DISP1: variants seen among roughly 807,000 people sequenced by gnomAD.
DISP1 encodes protein dispatched homolog 1.
Under a neutral mutation model 37.3 loss-of-function variants are expected in DISP1, and 30 were observed. The ratio of observed to expected loss-of-function variants is 0.80; its 90% CI spans 0.60 to 1.09. The LOEUF (loss-of-function observed/expected upper bound fraction) is 1.09, where lower values mean the gene tolerates loss of function less well. Ranked by LOEUF, DISP1 falls within the 50% of genes least tolerant of loss-of-function variation. The pLI, the probability that DISP1 is intolerant of heterozygous loss-of-function variation, is 0.00. For missense variants in DISP1, 1,598 were observed against 1,879.5 expected (o/e 0.85, Z 2.77); for synonymous variants, 634 against 690.2 (o/e 0.92, Z 1.28).
intron 1 of DISP1, among the ~76,000 whole-genome samples, chr1:222,912,379 T>C: frequency 6.6e-6 from 1 of 152,216 alleles, no homozygotes; most frequent in East Asian, 1.9e-4. Context: ...TCTTCTGACT[T>C]ACCTGTTTCC....
At chr1:222,838,176 C>A (rs893275011) in intron 1 of DISP1, among the ~76,000 whole-genome samples, 2 of 151,906 alleles carry the variant, frequency 1.3e-5, no homozygotes, top group African/African-American at 4.8e-5. Context: ...ATATAATTAT[C>A]ACTATTTTTG....
At chr1:222,843,494 A>G (rs1419860399) in intron 1 of DISP1, among the ~76,000 whole-genome samples, 2 of 151,588 alleles carry the variant, frequency 1.3e-5, no homozygotes, top group African/African-American at 4.8e-5. Context: ...TGAGTGATCT[A>G]TATCCTAATT....
At chr1:222,874,492 A>T (rs1446062242) in intron 1 of DISP1, among the ~76,000 whole-genome samples, 1 of 151,600 alleles carries the variant, frequency 6.6e-6, no homozygotes, top group African/African-American at 2.4e-5. Flanking sequence ...TTCTCTTCAC[A>T]CTTCGTTTCA....
chr1:222,903,820 A>AGG (rs1039880131), intron 1 of DISP1, among the ~76,000 whole-genome samples: 1 of 152,240 alleles, frequency 6.6e-6, no homozygotes, highest in Non-Finnish European at 1.5e-5. Flanking sequence ...AGCCATTCCC[A>AGG]GGTTCTGAGG....
At chr1:222,964,386 G>T (rs919349090) in intron 3 of DISP1, among the ~76,000 whole-genome samples, 1 of 151,790 alleles carries the variant, frequency 6.6e-6, no homozygotes, top group African/African-American at 2.4e-5. Flanking sequence ...TGTCTGATTC[G>T]AAGCCTTCCT....
chr1:222,919,124 G>A (rs969841568), intron 1 of DISP1, among the ~76,000 whole-genome samples: 1 of 152,168 alleles, frequency 6.6e-6, no homozygotes, highest in Admixed American at 6.5e-5. Flanking sequence ...ACCACCAACC[G>A]GCAATTAAGG....
chr1:222,896,725 CT>C (rs1671282884), intron 1 of DISP1, among the ~76,000 whole-genome samples: 1 of 151,852 alleles, frequency 6.6e-6, no homozygotes, highest in Non-Finnish European at 1.5e-5. Flanking sequence ...TGGCAAACAA[CT>C]TTTAAGAGGT....
chr1:223,002,025 TG>T (rs1221103189), intron 8 of DISP1, among the ~76,000 whole-genome samples: 8 of 152,228 alleles, frequency 5.3e-5, no homozygotes, highest in African/African-American at 1.7e-4. Flanking sequence ...CTTCACAACC[TG>T]TCCATTTTAT....
intron 3 of DISP1, among the ~76,000 whole-genome samples, chr1:222,960,649 G>T (rs1675985888): frequency 1.3e-5 from 2 of 150,888 alleles, no homozygotes; most frequent in Admixed American, 6.6e-5. Flanking sequence ...ATAGAGACAT[G>T]AAAAACCCTG....
intron 3 of DISP1, among the ~76,000 whole-genome samples, chr1:222,966,868 C>T (rs1676533402): frequency 2.6e-5 from 4 of 152,044 alleles, no homozygotes; most frequent in Admixed American, 2.0e-4. Flanking sequence ...GAACTCCCCC[C>T]ACCACCAATC....
At position 222,961,282 on chromosome 1, in the gene DISP1, A is replaced by C. The variant is rs149517038; in HGVS notation, c.509+17950A>C. ...AAAGCTTATCCGCCATGATCAAGTC[A>C]GCTTCATACCCAGGATGCAAGGCTG... On this transcript the variant is annotated intron_variant, in intron 3 of 8. Coordinates refer to ENST00000675850, the MANE Select transcript of DISP1 (RefSeq NM_001377229.1). 7.4e-3 allele frequency among the ~76,000 whole-genome samples: 1,131 copies of C among 152,344 alleles called. 17 individuals are homozygous for C. The highest frequency in any genetic ancestry group is 0.026 in the African/African-American group (1,063 of 41,590).
At chr1:222,872,049 G>A (rs1446807948) in intron 1 of DISP1, among the ~76,000 whole-genome samples, 1 of 152,098 alleles carries the variant, frequency 6.6e-6, no homozygotes, top group African/African-American at 2.4e-5. Flanking sequence ...AGATAATCAT[G>A]TGGTTTTTGT....
intron 1 of DISP1, 155 bp downstream of exon 1, chr1:222,815,233 G>C (rs1390118883): frequency 6.6e-6 from 1 of 152,302 alleles, no homozygotes; most frequent in Non-Finnish European, 1.5e-5. Flanking sequence ...CCCCAGGCTT[G>C]AGAGAAGGGC....
chr1:222,912,657 G>A (rs896905824), intron 1 of DISP1, among the ~76,000 whole-genome samples: 7 of 151,618 alleles, frequency 4.6e-5, no homozygotes, highest in Non-Finnish European at 7.4e-5. Flanking sequence ...TGTTGAAATC[G>A]TTTTCTTAAA....
At chr1:222,839,930 CAA>C (rs113532897) in intron 1 of DISP1, among the ~76,000 whole-genome samples, 42 of 145,528 alleles carry the variant, frequency 2.9e-4, no homozygotes, top group Middle Eastern at 3.4e-3. Flanking sequence ...AAGACTGTCT[CAA>C]AAAAAAAAAA....
chr1:222,888,465 G>A (rs1047188058), intron 1 of DISP1, among the ~76,000 whole-genome samples: 10 of 151,866 alleles, frequency 6.6e-5, no homozygotes, highest in Non-Finnish European at 1.2e-4. Context: ...ATTTTTATTG[G>A]GTAAAAAGGG....
At chr1:222,910,812 G>T (rs1672166457) in intron 1 of DISP1, among the ~76,000 whole-genome samples, 1 of 152,174 alleles carries the variant, frequency 6.6e-6, no homozygotes. Context: ...CTCATTGGAG[G>T]CTGTGCAGTG....
At chr1:222,856,372 A>G (rs1227408583) in intron 1 of DISP1, among the ~76,000 whole-genome samples, 2 of 152,218 alleles carry the variant, frequency 1.3e-5, no homozygotes, top group East Asian at 3.8e-4. Context: ...ACTTGAAGGC[A>G]GTGTTTGTCT....
At chr1:222,935,395 G>C (rs144999053) in intron 2 of DISP1, among the ~76,000 whole-genome samples, 1 of 152,172 alleles carries the variant, frequency 6.6e-6, no homozygotes, top group African/African-American at 2.4e-5. Flanking sequence ...ACAGAATACA[G>C]TTTATCAGAA....
Sources: allele counts gnomAD v4.1 joint callset (sites outside exome capture counted in the v4.1 genomes callset), GRCh38; gene constraint gnomAD v4.1.1; transcripts MANE v1.5; gene names NCBI Gene and HGNC (gene_info 2026-07-23, HGNC 2026-07-21).